NDST4: variants seen among roughly 807,000 people sequenced by gnomAD.
The protein encoded by NDST4 is N-deacetylase and N-sulfotransferase 4.
A neutral mutation model predicts 100.8 loss-of-function variants in NDST4; 63 were observed. The ratio of observed to expected loss-of-function variants is 0.62; its 90% CI spans 0.51 to 0.77. The LOEUF (loss-of-function observed/expected upper bound fraction) is 0.77, where lower values mean the gene tolerates loss of function less well. Among genes scored for constraint, NDST4 ranks in the 30% least tolerant of loss-of-function variants. NDST4 has a pLI of 0.00. For synonymous variants in NDST4, 377 were observed against 361.8 expected (o/e 1.04, Z -0.48); for missense variants, 943 against 1,018.4 (o/e 0.93, Z 1.01).
intron 1 of NDST4, among the ~76,000 whole-genome samples, chr4:115,093,282 T>C (rs933039964): frequency 2.0e-5 from 3 of 152,048 alleles, no homozygotes; most frequent in South Asian, 2.1e-4. Flanking sequence ...GAGACTATCC[T>C]GGCTAACACG....
intron 2 of NDST4, among the ~76,000 whole-genome samples, chr4:115,050,175 T>C (rs1728553951): frequency 6.6e-6 from 1 of 152,182 alleles, no homozygotes; most frequent in African/African-American, 2.4e-5. Context: ...AGTTTTATTC[T>C]TGTGTAGGCA....
intron 2 of NDST4, among the ~76,000 whole-genome samples, chr4:114,982,263 T>C (rs1409105092): frequency 1.3e-5 from 2 of 152,154 alleles, no homozygotes; most frequent in African/African-American, 4.8e-5. Context: ...GTGGGAAAGG[T>C]TGGAACTTCC....
chr4:115,020,036 G>C (rs1243469105), intron 2 of NDST4, among the ~76,000 whole-genome samples: 2 of 152,144 alleles, frequency 1.3e-5, no homozygotes, highest in Non-Finnish European at 2.9e-5. Flanking sequence ...GCCTGAAAAT[G>C]TAGATGCGCT....
At chr4:114,954,192 A>T (rs1164578235) in intron 4 of NDST4, among the ~76,000 whole-genome samples, 2 of 152,012 alleles carry the variant, frequency 1.3e-5, no homozygotes, top group African/African-American at 2.4e-5. Flanking sequence ...TTTAAACTTA[A>T]TTTTTTTGCC....
chr4:115,011,679 T>C lies in NDST4; in HGVS notation c.979-34405A>G, dbSNP rs187027252. The stretch of plus-strand genomic sequence containing the variant: ...CAGGAATAATAAGTAATGTAGTGTC[T>C]ATTTAAATATTAAAAGTTTTTATCT... On this transcript the variant is annotated intron_variant, in intron 2 of 13. Transcript: ENST00000264363. 2.3e-4 allele frequency among the ~76,000 whole-genome samples: 35 copies of C among 152,078 alleles called. No homozygotes were observed. In the East Asian group the frequency reaches 4.8e-3, roughly 21 times the overall value.
chr4:114,850,140 A>T (rs1333057305), intron 8 of NDST4, among the ~76,000 whole-genome samples: 1 of 152,218 alleles, frequency 6.6e-6, no homozygotes, highest in Non-Finnish European at 1.5e-5. Flanking sequence ...GAAAATTGAT[A>T]GTTTAATATT....
intron 2 of NDST4, among the ~76,000 whole-genome samples, chr4:115,024,718 G>T (rs766511887): frequency 3.3e-5 from 5 of 152,056 alleles, no homozygotes; most frequent in Non-Finnish European, 7.4e-5. Flanking sequence ...GGGGCTATTG[G>T]AATAGAATGA....
At chr4:115,049,273 T>A (rs1040471869) in intron 2 of NDST4, among the ~76,000 whole-genome samples, 4 of 151,692 alleles carry the variant, frequency 2.6e-5, no homozygotes, top group Non-Finnish European at 4.4e-5. Flanking sequence ...AAAAGGGCGA[T>A]CATTAAAGAG....
chr4:114,897,238 C>A (rs1011540731), intron 6 of NDST4, among the ~76,000 whole-genome samples: 1 of 152,106 alleles, frequency 6.6e-6, no homozygotes, highest in Non-Finnish European at 1.5e-5. Flanking sequence ...ACCTTTTCAT[C>A]CCTATCTTCC....
chr4:114,984,332 C>T (rs953283399), intron 2 of NDST4, among the ~76,000 whole-genome samples: 9 of 152,078 alleles, frequency 5.9e-5, no homozygotes, highest in Non-Finnish European at 2.9e-5. Context: ...GCACCCACCA[C>T]CATGCCAGGA....
intron 6 of NDST4, among the ~76,000 whole-genome samples, chr4:114,917,517 T>C (rs934705673): frequency 2.6e-5 from 4 of 151,782 alleles, no homozygotes; most frequent in Non-Finnish European, 5.9e-5. Flanking sequence ...AACTCGACTT[T>C]CATGCACCTA....
chr4:115,002,824 A>C (rs1727324304), intron 2 of NDST4, among the ~76,000 whole-genome samples: 1 of 152,184 alleles, frequency 6.6e-6, no homozygotes, highest in Non-Finnish European at 1.5e-5. Flanking sequence ...ACTTGGAACC[A>C]ACCCAAATGC....
intron 2 of NDST4, among the ~76,000 whole-genome samples, chr4:115,051,217 T>C (rs983933979): frequency 6.6e-6 from 1 of 152,130 alleles, no homozygotes; most frequent in Non-Finnish European, 1.5e-5. Context: ...TCAACAGTGG[T>C]TCAAATTTCA....
intron 2 of NDST4, among the ~76,000 whole-genome samples, chr4:115,001,633 A>G (rs1727292479): frequency 6.6e-6 from 1 of 151,848 alleles, no homozygotes. Context: ...ACTCTAATAT[A>G]ATATACTATA....
intron 2 of NDST4, among the ~76,000 whole-genome samples, chr4:115,011,644 T>G (rs1364050998): frequency 6.6e-6 from 1 of 151,936 alleles, no homozygotes; most frequent in Non-Finnish European, 1.5e-5. Flanking sequence ...TATTGTAAGA[T>G]CTGTTCATTC....
At chr4:114,871,461 C>A (rs115626976) in intron 6 of NDST4, among the ~76,000 whole-genome samples, 114 of 152,176 alleles carry the variant, frequency 7.5e-4, no homozygotes, top group African/African-American at 2.7e-3. Flanking sequence ...TTTCCCCACT[C>A]ATTAATCCTT....
rs1307143070 is a variant in NDST4, at chr4:114,968,198, T to C, written c.1221+2232A>G. 4.6e-5 allele frequency among the ~76,000 whole-genome samples: 7 copies of C among 152,210 alleles called. No individual in the cohort carries two copies. In the East Asian group the frequency reaches 1.3e-3, roughly 29 times the overall value. ...TATTAGCTTAACAACTGGGCATAACTTTGTAACATATCATAGTATTAATTT... is the reference window on the plus strand; with the variant it reads ...TATTAGCTTAACAACTGGGCATAACCTTGTAACATATCATAGTATTAATTT... On this transcript the variant is annotated intron_variant, in intron 4 of 13. Coordinates refer to ENST00000264363, the MANE Select transcript of NDST4 (RefSeq NM_022569.3).
chr4:115,094,924 T>G (rs1006611249), intron 1 of NDST4, among the ~76,000 whole-genome samples: 12 of 152,154 alleles, frequency 7.9e-5, no homozygotes, highest in Non-Finnish European at 1.8e-4. Flanking sequence ...ATTCCTGTTG[T>G]TTAAGGCACT....
chr4:115,031,012 T>C (rs1211776398), intron 2 of NDST4, among the ~76,000 whole-genome samples: 2 of 152,152 alleles, frequency 1.3e-5, no homozygotes, highest in Admixed American at 1.3e-4. Context: ...ATCTATATTA[T>C]CTCCTGCTTC....
Sources: allele counts gnomAD v4.1 joint callset (sites outside exome capture counted in the v4.1 genomes callset), GRCh38; gene constraint gnomAD v4.1.1; transcripts MANE v1.5; gene names NCBI Gene and HGNC (gene_info 2026-07-23, HGNC 2026-07-21).